The following NRIP2 variants were observed in gnomAD, a reference collection of about 807,000 sequenced individuals.
NRIP2 encodes nuclear receptor interacting protein 2.
NRIP2 carries 27 observed loss-of-function variants against 34.1 expected under a neutral mutation model. The ratio of observed to expected loss-of-function variants is 0.79; its 90% CI spans 0.58 to 1.09. NRIP2 has a LOEUF of 1.09. NRIP2 is among the 50% of genes least tolerant of loss of function. The probability of loss-of-function intolerance (pLI) is 0.00; values close to 1 mark genes in which losing one functional copy is unlikely to be tolerated. For missense variants in NRIP2, 385 were observed against 352.6 expected, an observed-to-expected ratio of 1.09 and a Z score of -0.74; for synonymous variants, 145 against 146.9, an observed-to-expected ratio of 0.99 and a Z score of 0.09.
chr12:2,834,630 G>C lies in NRIP2; in HGVS notation c.342+12C>G, dbSNP rs2098019091. The C allele has an allele frequency of 6.4e-7, 1 of 1,571,442 alleles. No homozygotes were observed. Among genetic ancestry groups the C allele is most frequent in the Non-Finnish European group, 8.6e-7 (1 of 1,159,172 alleles). The stretch of plus-strand genomic sequence containing the variant: ...GCCAGGGGACGCTGGCAGGGGAGGG[G>C]TGATGCCTCACCAAGTCCTTGGAGG... On this transcript the variant is annotated intron_variant, in intron 1 of 5. Transcript: ENST00000337508.
chr12:2,831,395 C>G (rs1007638804), intron 1 of NRIP2, among the ~76,000 whole-genome samples: 1 of 151,814 alleles, frequency 6.6e-6, no homozygotes, highest in Non-Finnish European at 1.5e-5. Context: ...ACCAGCCTGG[C>G]CAACATGGTG....
chr12:2,831,460 T>G (rs2098002415), intron 1 of NRIP2, among the ~76,000 whole-genome samples: 1 of 152,072 alleles, frequency 6.6e-6, no homozygotes, highest in Non-Finnish European at 1.5e-5. Flanking sequence ...GGCATGTGCC[T>G]GTAGTCCCAG....
rs1395974975 is a variant in NRIP2 at position 2,834,924 on chromosome 12, G to A, written c.60C>T (p.Cys20=). Residue 20 remains cysteine (C), a synonymous_variant, in exon 1 of 6, where the codon TGC becomes TGT. Coordinates refer to ENST00000337508, the MANE Select transcript of NRIP2 (RefSeq NM_031474.3). ...TTCCTGCCTGTCTCTGTCCCGTGCT[G>A]CAGCTCTCTTTCCAACAGGAGGGTC... is the stretch of plus-strand genomic sequence containing the variant. The part of the protein sequence containing the change: ...PWRPSCWKES[C]STGQRQAGRS... 1 of 1,612,352 alleles carries A rather than the reference G, an allele frequency of 6.2e-7. No homozygotes were observed. Among genetic ancestry groups the A allele is most frequent in the East Asian group, 2.2e-5 (1 of 44,824 alleles).
chr12:2,830,029 A>G (rs1262039970), intron 2 of NRIP2, among the ~76,000 whole-genome samples: 1 of 151,650 alleles, frequency 6.6e-6, no homozygotes, highest in East Asian at 1.9e-4. Flanking sequence ...GTGACACAAG[A>G]TCATGCCACT....
At chr12:2,833,156 G>A (rs2098011916) in intron 1 of NRIP2, among the ~76,000 whole-genome samples, 1 of 151,994 alleles carries the variant, frequency 6.6e-6, no homozygotes, top group South Asian at 2.1e-4. Flanking sequence ...GAGGGGAGAG[G>A]TGAAAAGCCC....
chr12:2,828,203 C>G lies in NRIP2; in HGVS notation c.578+129G>C, dbSNP rs140565654. On this transcript the variant is annotated intron_variant, in intron 3 of 5. Transcript: ENST00000337508. ...CTTCTCTGCCAGAGTCTTCTAGCCA[C>G]TCTTTTGTTAAATAACAGCTTTATT... 233 of 1,156,094 alleles carry G rather than the reference C, an allele frequency of 2.0e-4. No homozygotes were observed. In the African/African-American group the frequency reaches 2.4e-3, roughly 12 times the overall value. 71.6% of individuals were successfully genotyped at this position (1,156,094 alleles called of 1,614,324 possible).
Position 2,827,290 on chromosome 12 carries a change from C to T in NRIP2, c.763G>A (p.Asp255Asn), listed in dbSNP as rs1310090785. The change falls in exon 6 of 6, where the codon GAC becomes AAC. Residue 255 changes from aspartate to asparagine, a missense_variant. Transcript: ENST00000337508. This position sits in a 1 kb window ranked among gnomAD's most constrained non-coding sequence, Gnocchi z 4.0. ...AGCCGCAGCACTCCGTGCTCCAGGTCGATGCAGCACTGCGGGGTGTAGAGC... is the reference window on the plus strand; with the variant it reads ...AGCCGCAGCACTCCGTGCTCCAGGTTGATGCAGCACTGCGGGGTGTAGAGC... ...QTLLSLKCCI[D>N]LEHGVLRLKA... 6 of 1,613,710 alleles carry T rather than the reference C, an allele frequency of 3.7e-6. No individual in the cohort carries two copies. The highest frequency in any genetic ancestry group is 3.3e-5 in the Admixed American group (2 of 60,006).
intron 2 of NRIP2, among the ~76,000 whole-genome samples, chr12:2,828,883 TA>T (rs1212112439): frequency 2.0e-5 from 3 of 151,820 alleles, no homozygotes; most frequent in Admixed American, 2.0e-4. Context: ...ACTCATACAA[TA>T]GGGGCAGAAC....
At position 2,834,733 on chromosome 12, in the gene NRIP2, C is replaced by T. The variant is rs752617615; in HGVS notation, c.251G>A (p.Arg84Gln). The T allele has an allele frequency of 9.9e-6, 16 of 1,613,878 alleles. No individual in the cohort carries two copies. Among genetic ancestry groups the T allele is most frequent in the Middle Eastern group, 1.6e-4 (1 of 6,076 alleles). The change falls in exon 1 of 6, where the codon CGG becomes CAG. Residue 84 changes from arginine (R) to glutamine (Q), a missense_variant. By Grantham distance (43) the Arg-to-Gln change is conservative. Coordinates refer to ENST00000337508, the MANE Select transcript of NRIP2 (RefSeq NM_031474.3). ...RDRAHLSQQR[R>Q]LKQATQFLHK... ...CAGGAACTGGGTGGCCTGTTTGAGC[C>T]GGCGCTGCTGGCTCAGGTGGGCTCG...
At position 2,830,699 on chromosome 12, in the gene NRIP2, G is replaced by A. The variant is rs749573022; in HGVS notation, c.495+9C>T. ...GTTAATGAAAGTGTGTCCCTGGGAG[G>A]CCTCTCACCTTGCAGTTGACCAGAA... On this transcript the variant is annotated intron_variant, in intron 2 of 5. Coordinates refer to ENST00000337508, the MANE Select transcript of NRIP2 (RefSeq NM_031474.3). The A allele has an allele frequency of 1.2e-6, 2 of 1,605,108 alleles. No homozygotes were observed. Among genetic ancestry groups the A allele is most frequent in the Non-Finnish European group, 1.7e-6 (2 of 1,176,060 alleles).
Position 2,826,831 on chromosome 12 carries a change from G to A in NRIP2, c.*376C>T. On this transcript the variant is annotated 3_prime_UTR_variant, in exon 6 of 6. Transcript: ENST00000337508. ...ACATGGTGGTGTGGGAAGTTGAGTT[G>A]TGTTTGGGGTGGTATTGGGTGATGG... is the stretch of plus-strand genomic sequence containing the variant. 3.3e-6 allele frequency: 1 copy of A among 305,674 alleles called. No homozygotes were observed. The allele number at this position is 305,674 out of a possible 1,614,324, so 18.9% of individuals were successfully genotyped here.
chr12:2,832,277 A>G (rs1040508354), intron 1 of NRIP2, among the ~76,000 whole-genome samples: 8 of 152,008 alleles, frequency 5.3e-5, no homozygotes, highest in African/African-American at 1.5e-4. Context: ...CATTGCTTTC[A>G]TGATAGAGCT....
At position 2,830,712 on chromosome 12, in the gene NRIP2, C is replaced by G; in HGVS notation, c.491G>C (p.Cys164Ser). ...TGTCCCTGGGAGGCCTCTCACCTTG[C>G]AGTTGACCAGAAGAGCTGGAATCTC... Reference protein sequence around the residue: ...RTEIPALLVNCKCQDQLLRVA... With the variant: ...RTEIPALLVNSKCQDQLLRVA... Residue 164 changes from cysteine to serine, a missense_variant, in exon 2 of 6, where the codon TGC (cysteine) becomes TCC (serine). Coordinates refer to ENST00000337508, the MANE Select transcript of NRIP2 (RefSeq NM_031474.3). 1 of 1,610,312 alleles carries G rather than the reference C, an allele frequency of 6.2e-7. No individual in the cohort carries two copies.
At chr12:2,831,839 C>G (rs1383840904) in intron 1 of NRIP2, among the ~76,000 whole-genome samples, 1 of 152,144 alleles carries the variant, frequency 6.6e-6, no homozygotes, top group Non-Finnish European at 1.5e-5. Context: ...TCAAGGCATT[C>G]TCTAGCCTCA....
intron 1 of NRIP2, among the ~76,000 whole-genome samples, chr12:2,831,526 A>G (rs1008201316): frequency 3.3e-5 from 5 of 151,918 alleles, no homozygotes; most frequent in Non-Finnish European, 7.4e-5. Flanking sequence ...AGAGGTTGCA[A>G]TGAGCCAAGA....
In NRIP2 at chr12:2,834,660, G is replaced by A. The variant is rs201975553; in HGVS notation, c.324C>T (p.Leu108=). The part of the protein sequence containing the change: ...DLLPLDSLKR[L]GTSKDLQPRS... ...GCCTCACCAAGTCCTTGGAGGTGCC[G>A]AGCCTCTTGAGGCTGTCCAGCGGGA... The change falls in exon 1 of 6, where the codon CTC becomes CTT. Residue 108 remains leucine, a synonymous_variant. Coordinates refer to ENST00000337508, the MANE Select transcript of NRIP2 (RefSeq NM_031474.3). The A allele has an allele frequency of 1.8e-5, 29 of 1,601,602 alleles. No individual in the cohort carries two copies. The Admixed American group carries it at 1.9e-4, about 10-fold the overall frequency.
chr12:2,834,097 T>C (rs1004177021), intron 1 of NRIP2, among the ~76,000 whole-genome samples: 1 of 152,194 alleles, frequency 6.6e-6, no homozygotes, highest in African/African-American at 2.4e-5. Flanking sequence ...GGAAGGTCCA[T>C]TCCACTCAGG....
chr12:2,834,651 G>A lies in NRIP2; in HGVS notation c.333C>T (p.Ser111=). 2 of 1,596,880 alleles carry A rather than the reference G, an allele frequency of 1.3e-6. No homozygotes were observed. Among genetic ancestry groups the A allele is most frequent in the African/African-American group, 1.3e-5 (1 of 74,564 alleles). The change falls in exon 1 of 6, where the codon TCC becomes TCT. Residue 111 remains serine, a synonymous_variant. Transcript: ENST00000337508. ...PLDSLKRLGT[S]KDLQPRSVIQ... ...AGGGGTGATGCCTCACCAAGTCCTT[G>A]GAGGTGCCGAGCCTCTTGAGGCTGT...
At position 2,827,746 on chromosome 12, in the gene NRIP2, C is replaced by T. The variant is rs1238790592; in HGVS notation, c.701-69G>A. 4.3e-6 allele frequency: 7 copies of T among 1,611,358 alleles called. No homozygotes were observed. The highest frequency in any genetic ancestry group is 1.1e-5 in the South Asian group (1 of 90,836). On this transcript the variant is annotated intron_variant, in intron 4 of 5. Coordinates refer to ENST00000337508, the MANE Select transcript of NRIP2 (RefSeq NM_031474.3). The surrounding 1 kb of genome is among the most constrained non-coding windows in gnomAD (Gnocchi z 4.0). The stretch of plus-strand genomic sequence containing the variant: ...TGGTCACTGCTGCCCTCCTCTTAGC[C>T]GTTGCTCCTTCTCTGCCCACCCCAT...
Sources: gnomAD v4.1 joint callset for allele counts (sites outside exome capture counted in the v4.1 genomes callset) on GRCh38, gnomAD v4.1.1 for gene constraint, Gnocchi (gnomAD v3.1) non-coding constraint, MANE v1.5 for transcripts, NCBI Gene and HGNC (gene_info 2026-07-23, HGNC 2026-07-21) for gene names.